The following EPHB2 variants were observed in gnomAD, a reference collection of about 807,000 sequenced individuals.
EPHB2 encodes the protein EPH receptor B2, also known as ephrin type-B receptor 2.
A neutral mutation model predicts 96.4 loss-of-function variants in EPHB2; 18 were observed. That is an observed-to-expected ratio of 0.19 (90% CI 0.13 to 0.28). The LOEUF (loss-of-function observed/expected upper bound fraction) is 0.28, where lower values mean the gene tolerates loss of function less well. Among genes scored for constraint, EPHB2 ranks in the 10% least tolerant of loss-of-function variants. EPHB2 has a pLI of 1.00. For missense variants in EPHB2, 989 were observed against 1,355.4 expected, an observed-to-expected ratio of 0.73 and a Z score of 4.25; for synonymous variants, 506 against 534.1, an observed-to-expected ratio of 0.95 and a Z score of 0.72.
intron 2 of EPHB2, among the ~76,000 whole-genome samples, chr1:22,783,019 C>T (rs920754996): frequency 6.6e-6 from 1 of 152,218 alleles, no homozygotes; most frequent in Non-Finnish European, 1.5e-5. Context: ...CCCACAGTCA[C>T]ATTTGGCAAC....
intron 3 of EPHB2, among the ~76,000 whole-genome samples, chr1:22,804,070 G>A (rs535038281): frequency 6.7e-4 from 102 of 152,300 alleles, no homozygotes; most frequent in South Asian, 2.1e-4. Flanking sequence ...CGTCTTACAA[G>A]TGAGAAAACA....
At chr1:22,720,342 C>T (rs933612304) in intron 1 of EPHB2, among the ~76,000 whole-genome samples, 4 of 152,122 alleles carry the variant, frequency 2.6e-5, no homozygotes, top group South Asian at 4.1e-4. Context: ...AAGAGAAGTC[C>T]CATTTCTTGC....
chr1:22,793,922 GATTAATAA>G (rs373603557), intron 3 of EPHB2, among the ~76,000 whole-genome samples: 2,694 of 152,234 alleles, frequency 0.018, 74 homozygotes, highest in African/African-American at 0.062. Context: ...AACCTGAAGA[GATTAATAA>G]GTTGTCCAGA....
At chr1:22,822,310 C>T (rs1645163091) in intron 3 of EPHB2, among the ~76,000 whole-genome samples, 1 of 149,676 alleles carries the variant, frequency 6.7e-6, no homozygotes, top group Admixed American at 6.7e-5. Flanking sequence ...TGGCGAAACC[C>T]CATCTCTATT....
At chr1:22,813,470 C>T (rs540631813) in intron 3 of EPHB2, among the ~76,000 whole-genome samples, 13 of 152,222 alleles carry the variant, frequency 8.5e-5, no homozygotes, top group African/African-American at 2.4e-4. Context: ...TGGTGCAGTC[C>T]GGCTCCTTGT....
intron 1 of EPHB2, among the ~76,000 whole-genome samples, chr1:22,734,641 C>CT (rs1643786827): frequency 6.6e-6 from 1 of 152,152 alleles, no homozygotes; most frequent in South Asian, 2.1e-4. Context: ...AGGCTGGTCT[C>CT]TAACTCCTGA....
At chr1:22,740,911 TG>T (rs575661836) in intron 1 of EPHB2, among the ~76,000 whole-genome samples, 1 of 152,006 alleles carries the variant, frequency 6.6e-6, no homozygotes, top group Non-Finnish European at 1.5e-5. Context: ...CTCCCCTGGC[TG>T]GGGGGCGGTC....
rs139261039 is a variant in EPHB2 at position 22,915,494 on chromosome 1, G to C, written c.*1924G>C. The C allele has an allele frequency of 6.6e-6, 1 of 152,232 alleles. No homozygotes were observed. The highest frequency in any genetic ancestry group is 1.9e-4 in the East Asian group (1 of 5,164). 9.4% of individuals were successfully genotyped at this position (152,232 alleles called of 1,614,324 possible). ...AACGACAGCTCCACGTGGCCTTTCT[G>C]GCCCTGGCTTGTCAAAAGCACAGGC... On this transcript the variant is annotated 3_prime_UTR_variant, in exon 16 of 16. Transcript: ENST00000374630.
rs1045446129 is a variant in EPHB2 at position 22,737,065 on chromosome 1, T to A, written c.61+26022T>A. Among the ~76,000 whole-genome samples, 6 of 152,284 alleles carry A rather than the reference T, an allele frequency of 3.9e-5. No homozygotes were observed. In the South Asian group the frequency reaches 1.2e-3, roughly 32 times the overall value. On this transcript the variant is annotated intron_variant, in intron 1 of 15. Transcript: ENST00000374630. ...TGGGCAAGTCATCCAGTGCTTCCGTTTCTAATCTGGCTGCCTTGTGGTTCT... is the reference window on the plus strand; with the variant it reads ...TGGGCAAGTCATCCAGTGCTTCCGTATCTAATCTGGCTGCCTTGTGGTTCT...
intron 1 of EPHB2, among the ~76,000 whole-genome samples, chr1:22,758,315 G>T (rs1644184402): frequency 6.6e-6 from 1 of 152,026 alleles, no homozygotes; most frequent in African/African-American, 2.4e-5. Flanking sequence ...AGCCTGAAAA[G>T]GCATAGGGTC....
intron 3 of EPHB2, among the ~76,000 whole-genome samples, chr1:22,822,773 G>A (rs1364175857): frequency 3.9e-5 from 6 of 152,226 alleles, no homozygotes; most frequent in African/African-American, 1.4e-4. Flanking sequence ...GCTATGGCCT[G>A]CCGTCCAGTT....
chr1:22,899,261 G>A (rs1476572304), intron 9 of EPHB2, among the ~76,000 whole-genome samples: 1 of 150,350 alleles, frequency 6.7e-6, no homozygotes, highest in African/African-American at 2.5e-5. Flanking sequence ...TAGAACTTTG[G>A]GAGGCCAAGA....
chr1:22,805,877 G>A, intron 3 of EPHB2, among the ~76,000 whole-genome samples: 1 of 152,214 alleles, frequency 6.6e-6, no homozygotes, highest in East Asian at 1.9e-4. Context: ...TGGGGTGGGA[G>A]GCCGAGCCCA....
At chr1:22,833,700 TG>T (rs981820424) in intron 3 of EPHB2, among the ~76,000 whole-genome samples, 11 of 152,152 alleles carry the variant, frequency 7.2e-5, no homozygotes, top group African/African-American at 2.7e-4. Flanking sequence ...AAGTTTTAAA[TG>T]GATTATAAAT....
intron 1 of EPHB2, among the ~76,000 whole-genome samples, chr1:22,762,333 C>T (rs1644246768): frequency 6.6e-6 from 1 of 152,200 alleles, no homozygotes; most frequent in Non-Finnish European, 1.5e-5. Flanking sequence ...CTTAGGGCTG[C>T]AGGACCCTCA....
intron 6 of EPHB2, among the ~76,000 whole-genome samples, chr1:22,887,068 AG>A (rs1164441259): frequency 6.6e-6 from 1 of 152,130 alleles, no homozygotes; most frequent in Non-Finnish European, 1.5e-5. Flanking sequence ...GTTGGGGTTC[AG>A]GGAGGATAGA....
intron 1 of EPHB2, among the ~76,000 whole-genome samples, chr1:22,757,022 G>T (rs1644162148): frequency 6.6e-6 from 1 of 152,130 alleles, no homozygotes; most frequent in South Asian, 2.1e-4. Context: ...AAAGAGCTTT[G>T]ACTTTCACTT....
intron 1 of EPHB2, among the ~76,000 whole-genome samples, chr1:22,725,572 C>G (rs1643563824): frequency 6.6e-6 from 1 of 151,938 alleles, no homozygotes; most frequent in South Asian, 2.1e-4. Flanking sequence ...CTGGAAAGAG[C>G]TAGCAAACAG....
chr1:22,910,358 C>T, intron 13 of EPHB2, 24 bp from the exon 14 acceptor site: 1 of 1,614,144 alleles, frequency 6.2e-7, no homozygotes, highest in South Asian at 1.1e-5. Context: ...CACCCAACCC[C>T]ACTGCACTCC....
Sources: gnomAD v4.1 joint callset for allele counts (sites outside exome capture counted in the v4.1 genomes callset) on GRCh38, gnomAD v4.1.1 for gene constraint, MANE v1.5 for transcripts, NCBI Gene and HGNC (gene_info 2026-07-23, HGNC 2026-07-21) for gene names.